DNAJC22: variants seen among roughly 807,000 people sequenced by gnomAD.
DNAJC22 encodes the protein dnaJ homolog subfamily C member 22.
A neutral mutation model predicts 22.2 loss-of-function variants in DNAJC22; 24 were observed. The ratio of observed to expected loss-of-function variants is 1.08; its 90% CI spans 0.78 to 1.52. The LOEUF (loss-of-function observed/expected upper bound fraction) is 1.52. Among genes scored for constraint, DNAJC22 ranks in the 40% most tolerant of loss-of-function variants. DNAJC22 has a pLI of 0.00. For missense variants in DNAJC22, 434 were observed against 421.7 expected (o/e 1.03, Z -0.26); for synonymous variants, 160 against 167.4 (o/e 0.96, Z 0.34).
chr12:49,350,309 TCA>T (rs1349791634), intron 3 of DNAJC22, among the ~76,000 whole-genome samples: 4 of 152,110 alleles, frequency 2.6e-5, no homozygotes, highest in Non-Finnish European at 5.9e-5. Context: ...ACTCCTGACC[TCA>T]GGTGATCCAC....
chr12:49,351,130 A>T, intron 3 of DNAJC22, 187 bp from the exon 4 acceptor site: 1 of 980,294 alleles, frequency 1.0e-6, no homozygotes, highest in South Asian at 4.7e-5. Context: ...TTTTTCTAAA[A>T]TAATTTTTTT....
Position 49,347,188 on chromosome 12 carries a change from A to C in DNAJC22, c.-933A>C, listed in dbSNP as rs1943710831. ...TTGCATTGCAGCTCCGTTGCAGCGC[A>C]GAGGCGCAGGAAGGCAGACTACCAC... is the stretch of plus-strand genomic sequence containing the variant. On this transcript the variant is annotated 5_prime_UTR_variant, in exon 1 of 4. Coordinates refer to ENST00000549441, the MANE Select transcript of DNAJC22 (RefSeq NM_001304944.2). 1 of 152,292 alleles carries C rather than the reference A, an allele frequency of 6.6e-6. No individual in the cohort carries two copies. Among genetic ancestry groups the C allele is most frequent in the Non-Finnish European group, 1.5e-5 (1 of 68,080 alleles). 9.4% of individuals were successfully genotyped at this position (152,292 alleles called of 1,614,324 possible).
At position 49,352,280 on chromosome 12, in the gene DNAJC22, G is replaced by C. The variant is rs1384563941; in HGVS notation, c.*778G>C. The C allele has an allele frequency of 6.6e-6, 1 of 152,256 alleles. No homozygotes were observed. The highest frequency in any genetic ancestry group is 6.5e-5 in the Admixed American group (1 of 15,284). 9.4% of individuals were successfully genotyped at this position (152,256 alleles called of 1,614,324 possible). A position where few individuals can be genotyped will look rare whatever the true frequency, so the allele number is the denominator to read the frequency against. On this transcript the variant is annotated 3_prime_UTR_variant, in exon 4 of 4. Transcript: ENST00000549441. ...TAATCCCAACACTTTGGGAAGCTGA[G>C]GTGGGAGGATCACCTTAGGTCAGGA...
Position 49,351,481 on chromosome 12 carries a change from G to A in DNAJC22, c.1005G>A (p.Lys335=), listed in dbSNP as rs1329299268. The change falls in exon 4 of 4, where the codon AAG becomes AAA. Residue 335 remains lysine, a synonymous_variant. Coordinates refer to ENST00000549441, the MANE Select transcript of DNAJC22 (RefSeq NM_001304944.2). The part of the protein sequence containing the change: ...AAYEVLSQPR[K]PWGSRR ...ATGAAGTCCTGAGTCAACCCAGGAA[G>A]CCCTGGGGATCCCGGAGGTGAAAAG... 1 of 1,555,562 alleles carries A rather than the reference G, an allele frequency of 6.4e-7. No homozygotes were observed. The highest frequency in any genetic ancestry group is 1.4e-5 in the African/African-American group (1 of 70,938).
chr12:49,349,460 G>A lies in DNAJC22; in HGVS notation c.588G>A (p.Leu196=), dbSNP rs1452163815. The change falls in exon 3 of 4, where the codon CTG becomes CTA. Residue 196 remains leucine (L), a synonymous_variant. Coordinates refer to ENST00000549441, the MANE Select transcript of DNAJC22 (RefSeq NM_001304944.2). ...CTTACCTTGCTTTCACAGGCCCACTGGCATACAGTGCCCTCTGCAACACAG... is the reference window on the plus strand; with the variant it reads ...CTTACCTTGCTTTCACAGGCCCACTAGCATACAGTGCCCTCTGCAACACAG... The part of the protein sequence containing the change: ...GLAYLAFTGP[L]AYSALCNTAA... The A allele has an allele frequency of 6.2e-7, 1 of 1,614,056 alleles. No homozygotes were observed. The highest frequency in any genetic ancestry group is 2.2e-5 in the East Asian group (1 of 44,898).
rs556966658 is a variant in DNAJC22 at position 49,351,683 on chromosome 12, G to A, written c.*181G>A. The stretch of plus-strand genomic sequence containing the variant: ...GAGGCCGAGGCGGGCAGATCACGAG[G>A]TCAGGAGTTCGAGACCAGCAGCCTG... On this transcript the variant is annotated 3_prime_UTR_variant, in exon 4 of 4. Coordinates refer to ENST00000549441, the MANE Select transcript of DNAJC22 (RefSeq NM_001304944.2). 8.1e-4 allele frequency: 404 copies of A among 500,952 alleles called. 2 individuals are homozygous for A. Among genetic ancestry groups the A allele is most frequent in the African/African-American group, 7.1e-3 (348 of 49,164 alleles). 31.0% of individuals were successfully genotyped at this position (500,952 alleles called of 1,614,324 possible).
At position 49,348,018 on chromosome 12, in the gene DNAJC22, G is replaced by A. The variant is rs1395761001; in HGVS notation, c.-195G>A. On this transcript the variant is annotated 5_prime_UTR_variant, in exon 2 of 4. Coordinates refer to ENST00000549441, the MANE Select transcript of DNAJC22 (RefSeq NM_001304944.2). ...ACAAAAGACAAAGTCCATTTGGATG[G>A]AAGTGGGAGCAGGGCGAGACGGGCC... 1 of 152,440 alleles carries A rather than the reference G, an allele frequency of 6.6e-6. No individual in the cohort carries two copies. The highest frequency in any genetic ancestry group is 1.5e-5 in the Non-Finnish European group (1 of 68,192). The allele number at this position is 152,440 out of a possible 1,614,324, so 9.4% of individuals were successfully genotyped here. A position where few individuals can be genotyped will look rare whatever the true frequency, so the allele number is the denominator to read the frequency against.
Position 49,351,417 on chromosome 12 carries a change from A to G in DNAJC22, c.941A>G (p.Glu314Gly). Residue 314 changes from glutamate to glycine, a missense_variant, in exon 4 of 4, where the codon GAG (glutamate) becomes GGG (glycine). Glu to Gly is a moderately conservative substitution (Grantham distance 98). Coordinates refer to ENST00000549441, the MANE Select transcript of DNAJC22 (RefSeq NM_001304944.2). ...CCAGACCACAACCTGGACCAGACAG[A>G]GGAGGCACAGAGGCACTTCCTGGAG... ...WHPDHNLDQT[E>G]EAQRHFLEIQ... The G allele has an allele frequency of 1.2e-6, 2 of 1,610,324 alleles. No homozygotes were observed. The highest frequency in any genetic ancestry group is 1.7e-6 in the Non-Finnish European group (2 of 1,178,548).
intron 3 of DNAJC22, chr12:49,349,970 A>G (rs565934634): frequency 3.2e-5 from 24 of 751,604 alleles, no homozygotes; most frequent in Non-Finnish European, 3.7e-5. Context: ...GAACATTTCC[A>G]GCACTAAGAA....
Position 49,349,345 on chromosome 12 carries a change from C to G in DNAJC22, c.473C>G (p.Ala158Gly), listed in dbSNP as rs1454038503. 12 of 1,609,074 alleles carry G rather than the reference C, an allele frequency of 7.5e-6. No individual in the cohort carries two copies. Among genetic ancestry groups the G allele is most frequent in the Non-Finnish European group, 9.3e-6 (11 of 1,177,480 alleles). ...RPIAILPISV[A>G]ASITAQRHRR... is the part of the protein sequence containing the mutation. ...ATAGCCATACTGCCCATTAGCGTGG[C>G]CGCCAGCATTACAGCTCAGAGGCAT... Residue 158 changes from alanine (A) to glycine (G), a missense_variant, in exon 3 of 4, where the codon GCC (alanine) becomes GGC (glycine). Physicochemically the swap from Ala to Gly is moderately conservative, Grantham distance 60 (BLOSUM62 0). Transcript: ENST00000549441.
rs1943801750 is a variant in DNAJC22 at position 49,353,144 on chromosome 12, C to G, written c.*1642C>G. The stretch of plus-strand genomic sequence containing the variant: ...TAGGGAACCAGCGGCTAGAGCATCT[C>G]AAGGGGGCCTTATTCAATTCTAGGT... On this transcript the variant is annotated 3_prime_UTR_variant, in exon 4 of 4. Coordinates refer to ENST00000549441, the MANE Select transcript of DNAJC22 (RefSeq NM_001304944.2). 6.6e-6 allele frequency: 1 copy of G among 152,142 alleles called. No homozygotes were observed. The highest frequency in any genetic ancestry group is 1.5e-5 in the Non-Finnish European group (1 of 68,026). The allele number at this position is 152,142 out of a possible 1,614,324, so 9.4% of individuals were successfully genotyped here.
intron 3 of DNAJC22, 25 bp from the exon 4 acceptor site, chr12:49,351,292 A>G: frequency 6.2e-7 from 1 of 1,612,964 alleles, no homozygotes; most frequent in Non-Finnish European, 8.5e-7. Flanking sequence ...GGGGATTCTA[A>G]TTTGTCATCT....
chr12:49,349,913 T>C (rs918182320), intron 3 of DNAJC22: 2 of 973,374 alleles, frequency 2.1e-6, no homozygotes, highest in Non-Finnish European at 2.4e-6. Flanking sequence ...GTACAACATA[T>C]ATAAATTGCA....
chr12:49,351,433 C>T lies in DNAJC22; in HGVS notation c.957C>T (p.His319=), dbSNP rs1487050500. Residue 319 remains histidine (H), a synonymous_variant, in exon 4 of 4, where the codon CAC becomes CAT. Coordinates refer to ENST00000549441, the MANE Select transcript of DNAJC22 (RefSeq NM_001304944.2). ...ACCAGACAGAGGAGGCACAGAGGCA[C>T]TTCCTGGAGATCCAGGCTGCGTATG... ...NLDQTEEAQR[H]FLEIQAAYEV... The T allele has an allele frequency of 6.2e-7, 1 of 1,606,406 alleles. No individual in the cohort carries two copies. Among genetic ancestry groups the T allele is most frequent in the Non-Finnish European group, 8.5e-7 (1 of 1,177,244 alleles).
chr12:49,350,718 G>A (rs1006138892), intron 3 of DNAJC22, among the ~76,000 whole-genome samples: 4 of 124,600 alleles, frequency 3.2e-5, no homozygotes, highest in South Asian at 2.4e-4. Flanking sequence ...GGCTGGTCTC[G>A]AACTCCCGAC....
chr12:49,348,391 G>A (rs931472526), intron 2 of DNAJC22, among the ~76,000 whole-genome samples: 1 of 152,192 alleles, frequency 6.6e-6, no homozygotes, highest in South Asian at 2.1e-4. Context: ...GAAGGCAGGA[G>A]AGTGGCTAAA....
At position 49,348,979 on chromosome 12, in the gene DNAJC22, T is replaced by C. The variant is rs1943735677; in HGVS notation, c.107T>C (p.Leu36Pro). ...GACAGCCACGCCCTGCTCTGGATGC[T>C]GACCCTGGGGGGAGGTGGGCTGGGC... Reference protein sequence around the residue: ...GRDSHALLWMLTLGGGGLGWL... With the variant: ...GRDSHALLWMPTLGGGGLGWL... Residue 36 changes from leucine (L) to proline (P), a missense_variant, in exon 3 of 4, where the codon CTG becomes CCG. Coordinates refer to ENST00000549441, the MANE Select transcript of DNAJC22 (RefSeq NM_001304944.2). 1 of 1,552,426 alleles carries C rather than the reference T, an allele frequency of 6.4e-7. No individual in the cohort carries two copies. The highest frequency in any genetic ancestry group is 1.3e-5 in the South Asian group (1 of 79,290).
chr12:49,348,543 T>A (rs187134355), intron 2 of DNAJC22, among the ~76,000 whole-genome samples: 1 of 152,042 alleles, frequency 6.6e-6, no homozygotes, highest in Admixed American at 6.5e-5. Flanking sequence ...TCATTTGGGG[T>A]CATGGGTCTC....
Position 49,349,667 on chromosome 12 carries a change from GT to G in DNAJC22, c.798del (p.Phe266LeufsTer35). The G allele has an allele frequency of 6.2e-7, 1 of 1,614,254 alleles. No individual in the cohort carries two copies. The highest frequency in any genetic ancestry group is 8.5e-7 in the Non-Finnish European group (1 of 1,180,040). ...CFQEWAKLYE[F>X]VHSFQDEKRQ... The stretch of plus-strand genomic sequence containing the variant: ...TTCAGGAGTGGGCGAAGCTCTATGA[GT>G]TTGTTCACAGTTTTCAGGATGAGAA... On this transcript the variant is annotated frameshift_variant, in exon 3 of 4. Coordinates refer to ENST00000549441, the MANE Select transcript of DNAJC22 (RefSeq NM_001304944.2). LOFTEE classifies it high-confidence loss of function.
Sources: gnomAD v4.1 joint callset for allele counts (sites outside exome capture counted in the v4.1 genomes callset) on GRCh38, gnomAD v4.1.1 for gene constraint, MANE v1.5 for transcripts, NCBI Gene and HGNC (gene_info 2026-07-23, HGNC 2026-07-21) for gene names.